Variants in SPAM1 observed in about 807,000 individuals in gnomAD.
SPAM1 encodes the protein sperm adhesion molecule 1.
SPAM1 carries 22 observed loss-of-function variants against 29.6 expected under a neutral mutation model. The ratio of observed to expected loss-of-function variants is 0.74; its 90% CI spans 0.53 to 1.06. The LOEUF is 1.06. Among genes scored for constraint, SPAM1 ranks in the 50% least tolerant of loss-of-function variants. The pLI is 0.00. For missense variants in SPAM1, 534 were observed against 604.0 expected, an observed-to-expected ratio of 0.88 and a Z score of 1.21; for synonymous variants, 194 against 204.6, an observed-to-expected ratio of 0.95 and a Z score of 0.44.
chr7:123,927,243 G>A (rs1303258907), intron 1 of SPAM1, among the ~76,000 whole-genome samples: 1 of 152,166 alleles, frequency 6.6e-6, no homozygotes, highest in African/African-American at 2.4e-5. Context: ...CAAGAGGCAA[G>A]AGGTTGTTTT....
intron 1 of SPAM1, among the ~76,000 whole-genome samples, chr7:123,937,413 A>G (rs1017333462): frequency 6.6e-6 from 1 of 152,030 alleles, no homozygotes; most frequent in Non-Finnish European, 1.5e-5. Context: ...CATCCTGGAT[A>G]ACATGGTGAA....
rs561400990 is a variant in SPAM1 at position 123,933,285 on chromosome 7, T to G, written c.-319+7933T>G. Among the ~76,000 whole-genome samples, 201 of 152,226 alleles carry G rather than the reference T, an allele frequency of 1.3e-3. 2 individuals are homozygous for G. The highest frequency in any genetic ancestry group is 2.6e-3 in the Non-Finnish European group (175 of 68,018). On this transcript the variant is annotated intron_variant, in intron 1 of 4. Coordinates refer to ENST00000682466, the MANE Select transcript of SPAM1 (RefSeq NM_153189.3). ...CCTCCCTGTGACCATGTGTTCTCAT[T>G]GTTCAACTCCCACTTATAAGCGAGA...
intron 4 of SPAM1, among the ~76,000 whole-genome samples, chr7:123,957,921 A>C (rs998415042): frequency 3.3e-5 from 5 of 151,926 alleles, no homozygotes; most frequent in Non-Finnish European, 5.9e-5. Context: ...CCTTCAGTTT[A>C]TCTTTCTAAC....
chr7:123,929,343 C>G (rs1214626990), intron 1 of SPAM1, among the ~76,000 whole-genome samples: 1 of 152,088 alleles, frequency 6.6e-6, no homozygotes, highest in Non-Finnish European at 1.5e-5. Flanking sequence ...GGGAGAAGTT[C>G]TGGCTACCTG....
intron 3 of SPAM1, 56 bp downstream of exon 3, chr7:123,954,580 G>T: frequency 5.9e-6 from 7 of 1,180,176 alleles, no homozygotes; most frequent in Non-Finnish European, 8.3e-6. Flanking sequence ...GATGTTGATT[G>T]AAATTTAATA....
At chr7:123,962,936 G>A (rs563577288), downstream of SPAM1, among the ~76,000 whole-genome samples, 9 of 151,782 alleles carry the variant, frequency 5.9e-5, no homozygotes, top group African/African-American at 2.2e-4. Flanking sequence ...TTGGGTGTTT[G>A]TCCATATCAG....
In SPAM1 at chr7:123,954,424, C is replaced by A. The variant is rs1338107599; in HGVS notation, c.854C>A (p.Ala285Asp). The change falls in exon 3 of 5, where the codon GCC becomes GAC. Residue 285 changes from alanine (A) to aspartate (D), a missense_variant. Physicochemically the swap from Ala to Asp is moderately radical, Grantham distance 126 (BLOSUM62 -2). Transcript: ENST00000682466. Reference protein sequence around the residue: ...TLYVRNRVREAIRVSKIPDAK... With the variant: ...TLYVRNRVREDIRVSKIPDAK... ...TATGTGCGCAATCGAGTTCGGGAAG[C>A]CATCAGAGTTTCCAAAATACCTGAT... 3 of 1,613,238 alleles carry A rather than the reference C, an allele frequency of 1.9e-6. No homozygotes were observed. The highest frequency in any genetic ancestry group is 2.5e-6 in the Non-Finnish European group (3 of 1,179,636).
Position 123,955,024 on chromosome 7 carries a change from A to T in SPAM1, c.982A>T (p.Thr328Ser). 1 of 1,611,684 alleles carries T rather than the reference A, an allele frequency of 6.2e-7. No homozygotes were observed. Among genetic ancestry groups the T allele is most frequent in the Non-Finnish European group, 8.5e-7 (1 of 1,178,338 alleles). ...TGAACTTGTGTATACATTTGGCGAA[A>T]CTGTTGCTCTGGGTGCTTCTGGAAT... Reference protein sequence around the residue: ...QDELVYTFGETVALGASGIVI... With the variant: ...QDELVYTFGESVALGASGIVI... The change falls in exon 4 of 5, where the codon ACT (threonine) becomes TCT (serine). Residue 328 changes from threonine (T) to serine (S), a missense_variant. Physicochemically the swap from Thr to Ser is moderately conservative, Grantham distance 58. Transcript: ENST00000682466.
intron 5 of SPAM1, among the ~76,000 whole-genome samples, chr7:123,966,568 C>T (rs1792427792): frequency 6.6e-6 from 1 of 152,022 alleles, no homozygotes; most frequent in Non-Finnish European, 1.5e-5. Context: ...TACATATACA[C>T]CATGGAATAC....
intron 1 of SPAM1, among the ~76,000 whole-genome samples, chr7:123,937,623 T>G (rs1456776459): frequency 6.7e-6 from 1 of 148,480 alleles, no homozygotes; most frequent in Non-Finnish European, 1.5e-5. Flanking sequence ...AAAAAGACGC[T>G]TCATAGGTAT....
intron 1 of SPAM1, among the ~76,000 whole-genome samples, chr7:123,947,075 TA>T (rs1808598799): frequency 6.6e-6 from 1 of 152,206 alleles, no homozygotes; most frequent in South Asian, 2.1e-4. Flanking sequence ...TTTTCTATCA[TA>T]AAAAATATCC....
intron 1 of SPAM1, among the ~76,000 whole-genome samples, chr7:123,944,379 C>T (rs1417552000): frequency 2.6e-5 from 4 of 152,078 alleles, no homozygotes; most frequent in African/African-American, 7.2e-5. Context: ...GAAAGTTACA[C>T]GGATGTAATA....
At chr7:123,961,398 ATGAG>A (rs1792356503), downstream of SPAM1, among the ~76,000 whole-genome samples, 2 of 152,048 alleles carry the variant, frequency 1.3e-5, no homozygotes, top group East Asian at 3.9e-4. Context: ...GCTCTCACAT[ATGAG>A]TGAGAACATG....
downstream of SPAM1, among the ~76,000 whole-genome samples, chr7:123,963,586 C>T (rs6954342): frequency 0.016 from 2,390 of 151,950 alleles, 55 homozygotes; most frequent in African/African-American, 0.055. Context: ...CAAGGAATTA[C>T]AAATTCATCT....
intron 4 of SPAM1, among the ~76,000 whole-genome samples, chr7:123,958,080 G>T (rs1177599638): frequency 1.3e-5 from 2 of 151,980 alleles, no homozygotes; most frequent in African/African-American, 2.4e-5. Flanking sequence ...ATTGTCACAG[G>T]TTCCAGGGAA....
At chr7:123,958,353 A>G (rs1792290361) in intron 4 of SPAM1, among the ~76,000 whole-genome samples, 1 of 152,068 alleles carries the variant, frequency 6.6e-6, no homozygotes, top group African/African-American at 2.4e-5. Flanking sequence ...TACCAGTCTC[A>G]AGATGAAGAT....
At chr7:123,938,748 C>T (rs1808334206) in intron 1 of SPAM1, among the ~76,000 whole-genome samples, 2 of 152,148 alleles carry the variant, frequency 1.3e-5, no homozygotes, top group South Asian at 2.1e-4. Context: ...TGCTAATAGA[C>T]GGTTAATTGC....
chr7:123,942,361 A>G (rs1014719669), intron 1 of SPAM1, among the ~76,000 whole-genome samples: 1 of 152,202 alleles, frequency 6.6e-6, no homozygotes, highest in Non-Finnish European at 1.5e-5. Flanking sequence ...TTACTGCCTC[A>G]GAGACCTTTT....
exon 7 of SPAM1, chr7:123,971,351 G>C (rs982790093): frequency 1.2e-4 from 18 of 151,946 alleles, no homozygotes; most frequent in African/African-American, 4.1e-4. Flanking sequence ...TAAAAATTGG[G>C]GGAAGACAAA....
Sources: gnomAD v4.1 joint callset for allele counts (sites outside exome capture counted in the v4.1 genomes callset) on GRCh38, gnomAD v4.1.1 for gene constraint, MANE v1.5 for transcripts, NCBI Gene and HGNC (gene_info 2026-07-23, HGNC 2026-07-21) for gene names.